Variants in ZNF705D observed in about 807,000 individuals in gnomAD.
ZNF705D encodes the protein putative zinc finger protein 705C.
For synonymous variants in ZNF705D, 1 was observed against 43.8 expected, an observed-to-expected ratio of 0.02 and a Z score of 3.86; for missense variants, 6 against 129.4, an observed-to-expected ratio of 0.05 and a Z score of 4.63.
At chr8:12,107,333 A>T (rs1802224528), upstream of ZNF705D, among the ~76,000 whole-genome samples, 1 of 55,994 alleles carries the variant, frequency 1.8e-5, no homozygotes, top group Non-Finnish European at 3.9e-5. Flanking sequence ...ACAGAGTCTC[A>T]CTCTGTCGCC....
chr8:12,102,588 A>AT (rs1394881345), upstream of ZNF705D, among the ~76,000 whole-genome samples: 3 of 122 alleles, frequency 0.025, no homozygotes, highest in Admixed American at 0.12. Context: ...ATTTTTTGTA[A>AT]TTTTTTTTTT....
At chr8:12,095,753 T>TACACACACAC in the ZNF705D span, among the ~76,000 whole-genome samples, 80 of 27,594 alleles carry the variant, frequency 2.9e-3, no homozygotes, top group South Asian at 5.4e-3. Flanking sequence ...TTTTTACTCC[T>TACACACACAC]ACACACACAC....
At chr8:12,108,927 T>A in intron 1 of ZNF705D, among the ~76,000 whole-genome samples, 1 of 83,998 alleles carries the variant, frequency 1.2e-5, no homozygotes, top group African/African-American at 3.3e-5. Flanking sequence ...GGTTGCACAC[T>A]CAGAAGAAGG....
chr8:12,089,723 A>G, the ZNF705D span, among the ~76,000 whole-genome samples: 76 of 70,236 alleles, frequency 1.1e-3, 9 homozygotes, highest in Admixed American at 3.1e-3. Flanking sequence ...GCCTGAGCTC[A>G]GACTCTCCTT....
At chr8:12,089,851 T>G in the ZNF705D span, among the ~76,000 whole-genome samples, 19 of 48,112 alleles carry the variant, frequency 3.9e-4, 9 homozygotes, top group East Asian at 0.083. Flanking sequence ...GTCAGGGAAG[T>G]TGGGGAAAGC....
the ZNF705D span, among the ~76,000 whole-genome samples, chr8:12,090,264 C>T: frequency 4.3e-5 from 3 of 69,614 alleles, 1 homozygote; most frequent in Non-Finnish European, 1.1e-4. Flanking sequence ...TGTTGCTCAG[C>T]TCGGCTCTCT....
upstream of ZNF705D, among the ~76,000 whole-genome samples, chr8:12,107,082 C>T (rs372580867): frequency 0.081 from 314 of 3,856 alleles, 21 homozygotes; most frequent in East Asian, 0.67. Context: ...GTTAGTGAAA[C>T]ATCAGATTGA....
chr8:12,095,117 G>C, the ZNF705D span: 27 of 254,256 alleles, frequency 1.1e-4, no homozygotes, highest in African/African-American at 8.7e-4. Context: ...GGGAGACAGG[G>C]AGATAGGGAG....
chr8:12,089,886 G>T, the ZNF705D span, among the ~76,000 whole-genome samples: 4,052 of 44,660 alleles, frequency 0.091, 1,320 homozygotes, highest in South Asian at 0.14. Flanking sequence ...GCTGAAAGGC[G>T]GGTCTCACTC....
chr8:12,090,115 G>A, the ZNF705D span, among the ~76,000 whole-genome samples: 2 of 87,804 alleles, frequency 2.3e-5, 1 homozygote, highest in Non-Finnish European at 5.4e-5. Flanking sequence ...CAGCTAGAGA[G>A]GTTCTTCTCC....
chr8:12,110,445 G>C (rs1276804639), intron 2 of ZNF705D, among the ~76,000 whole-genome samples: 1 of 48,290 alleles, frequency 2.1e-5, no homozygotes, highest in African/African-American at 4.4e-5. Flanking sequence ...TAAATCGAAT[G>C]TTTTTTTTTG....
intron 2 of ZNF705D, among the ~76,000 whole-genome samples, chr8:12,110,326 A>G (rs1439029470): frequency 1.2e-5 from 1 of 82,172 alleles, no homozygotes; most frequent in East Asian, 7.6e-4. Context: ...TTTTCAATGT[A>G]TTAAATTACT....
chr8:12,089,920 C>T, the ZNF705D span, among the ~76,000 whole-genome samples: 1 of 47,964 alleles, frequency 2.1e-5, no homozygotes, highest in African/African-American at 3.3e-5. Context: ...TGTGATAGCC[C>T]GGAGTCTGTT....
chr8:12,093,354 A>T, the ZNF705D span, among the ~76,000 whole-genome samples: 1 of 39,664 alleles, frequency 2.5e-5, no homozygotes, highest in Admixed American at 4.1e-4. Flanking sequence ...TGCGGTTTCA[A>T]GAGTGGCACT....
At chr8:12,090,083 C>G in the ZNF705D span, among the ~76,000 whole-genome samples, 2 of 81,150 alleles carry the variant, frequency 2.5e-5, 1 homozygote, top group African/African-American at 5.8e-5. Context: ...GCTTCCAGCC[C>G]CATTCAATTT....
the ZNF705D span, chr8:12,095,170 C>T: frequency 4.5e-4 from 466 of 1,028,926 alleles, 58 homozygotes; most frequent in African/African-American, 8.5e-3. Context: ...CAGAAAACAA[C>T]AGGCTTCAGT....
chr8:12,090,696 A>G, the ZNF705D span, among the ~76,000 whole-genome samples: 1 of 23,470 alleles, frequency 4.3e-5, no homozygotes, highest in Non-Finnish European at 1.6e-4. Flanking sequence ...TTTTTTTTGT[A>G]AATTTCTTTA....
chr8:12,106,445 TAAATGTGGCAGTAA>T (rs1802214286), upstream of ZNF705D, among the ~76,000 whole-genome samples: 1 of 39,340 alleles, frequency 2.5e-5, no homozygotes, highest in African/African-American at 4.8e-5. Context: ...AAATGTGCAT[TAAATGTGGCAGTAA>T]AAATAGACAC....
exon 3 of ZNF705D, chr8:12,110,859 C>A (rs768185339): frequency 3.6e-5 from 1 of 27,886 alleles, no homozygotes; most frequent in Non-Finnish European, 5.4e-5. Flanking sequence ...AGAGCTGTGG[C>A]GGGAAGGAAG....
Sources: allele counts gnomAD v4.1 joint callset (sites outside exome capture counted in the v4.1 genomes callset), GRCh38; gene constraint gnomAD v4.1.1; transcripts MANE v1.5; gene names NCBI Gene and HGNC (gene_info 2026-07-23, HGNC 2026-07-21).